The following SHPRH variants were observed in gnomAD, a reference collection of about 807,000 sequenced individuals.
SHPRH encodes the protein SNF2 histone linker PHD RING helicase.
A neutral mutation model predicts 202.5 loss-of-function variants in SHPRH; 106 were observed. The observed-to-expected ratio is 0.52, with a 90% CI of 0.45 to 0.62. The LOEUF (loss-of-function observed/expected upper bound fraction) is 0.62. Ranked by LOEUF, SHPRH falls within the 20% of genes least tolerant of loss-of-function variation. The probability of loss-of-function intolerance (pLI) is 0.00; values close to 1 mark genes in which losing one functional copy is unlikely to be tolerated. For missense variants in SHPRH, 1,710 were observed against 2,020.0 expected (o/e 0.85, Z 2.94); for synonymous variants, 729 against 686.0 (o/e 1.06, Z -0.98).
At chr6:145,920,164 G>GAT (rs1342913025) in intron 21 of SHPRH, among the ~76,000 whole-genome samples, 1 of 152,100 alleles carries the variant, frequency 6.6e-6, no homozygotes, top group African/African-American at 2.4e-5. Context: ...AGATCTGGTA[G>GAT]ATATGTACAG....
At chr6:145,870,710 G>A (rs1780021666) in intron 2 of SHPRH, among the ~76,000 whole-genome samples, 1 of 152,162 alleles carries the variant, frequency 6.6e-6, no homozygotes, top group Non-Finnish European at 1.5e-5. Context: ...GTAAGAGGGA[G>A]TATCCTTGCT....
chr6:145,926,322 T>G, intron 15 of SHPRH, 26 bp from the exon 16 acceptor site: 1 of 1,594,168 alleles, frequency 6.3e-7, no homozygotes. Context: ...AGGCAGTAAT[T>G]ATGACAGTCA....
At chr6:145,889,383 GTTTT>G (rs903376539) in intron 28 of SHPRH, among the ~76,000 whole-genome samples, 8 of 151,996 alleles carry the variant, frequency 5.3e-5, no homozygotes, top group Non-Finnish European at 1.2e-4. Flanking sequence ...GTATCAGAGT[GTTTT>G]TTTCTTTCTA....
At chr6:145,903,461 ATATCTCTAT>A (rs1782683108) in intron 25 of SHPRH, 2 of 152,026 alleles carry the variant, frequency 1.3e-5, no homozygotes, top group East Asian at 3.9e-4. Context: ...GCTGTATAAG[ATATCTCTAT>A]TATCAAGAGA....
At chr6:145,924,645 T>C in intron 17 of SHPRH, 94 bp downstream of exon 17, 2 of 975,264 alleles carry the variant, frequency 2.1e-6, no homozygotes, top group South Asian at 2.8e-5. Context: ...TTTCAAAATG[T>C]ATAAGAAATT....
chr6:145,910,719 TTCC>T, intron 24 of SHPRH, 83 bp from the exon 25 acceptor site: 1 of 1,309,006 alleles, frequency 7.6e-7, no homozygotes, highest in Non-Finnish European at 1.0e-6. Flanking sequence ...TTCGCAATTT[TTCC>T]TCCTAAAGAT....
chr6:145,888,889 G>A (rs1781344263), intron 28 of SHPRH, among the ~76,000 whole-genome samples: 1 of 152,148 alleles, frequency 6.6e-6, no homozygotes, highest in Non-Finnish European at 1.5e-5. Flanking sequence ...AAAGATGACT[G>A]GCATGTGAGA....
At chr6:145,896,423 A>G (rs1329612251) in intron 25 of SHPRH, among the ~76,000 whole-genome samples, 1 of 152,068 alleles carries the variant, frequency 6.6e-6, no homozygotes, top group East Asian at 1.9e-4. Context: ...GAATCCTTCC[A>G]CTGATTAATA....
intron 2 of SHPRH, among the ~76,000 whole-genome samples, chr6:145,868,863 A>G (rs1004503492): frequency 6.6e-6 from 1 of 152,198 alleles, no homozygotes; most frequent in East Asian, 1.9e-4. Flanking sequence ...TATTTTTAGG[A>G]AAAAGTTAAA....
chr6:145,910,763 C>T, intron 24 of SHPRH, 127 bp from the exon 25 acceptor site: 1 of 871,740 alleles, frequency 1.1e-6, no homozygotes, highest in Admixed American at 3.1e-5. Flanking sequence ...TGTCATAAAG[C>T]CAAGTTGTGC....
At chr6:145,937,326 T>C (rs1582765323) in intron 11 of SHPRH, among the ~76,000 whole-genome samples, 1 of 152,174 alleles carries the variant, frequency 6.6e-6, no homozygotes, top group Non-Finnish European at 1.5e-5. Flanking sequence ...TCACCATTCA[T>C]GGATTTATGC....
At chr6:145,866,582 A>C (rs1449657169) in intron 2 of SHPRH, among the ~76,000 whole-genome samples, 3 of 152,210 alleles carry the variant, frequency 2.0e-5, no homozygotes, top group African/African-American at 7.2e-5. Context: ...CATTATTAGC[A>C]GCATGAGTGG....
At chr6:145,921,065 AAAG>A (rs1784395030) in intron 21 of SHPRH, 99 bp downstream of exon 21, 8 of 1,031,456 alleles carry the variant, frequency 7.8e-6, no homozygotes, top group South Asian at 3.4e-5. Context: ...CTCAATCTCA[AAAG>A]AAGATTTTAA....
chr6:145,870,622 T>C (rs1780017104), intron 2 of SHPRH, among the ~76,000 whole-genome samples: 1 of 152,186 alleles, frequency 6.6e-6, no homozygotes. Context: ...ATTTCTTTTT[T>C]CCCAGTCTGT....
chr6:145,957,464 T>A (rs995499187), intron 1 of SHPRH, among the ~76,000 whole-genome samples: 6 of 152,148 alleles, frequency 3.9e-5, no homozygotes, highest in Non-Finnish European at 8.8e-5. Flanking sequence ...AAGTATCTGA[T>A]GAAGGATATG....
chr6:145,963,777 G>A lies in SHPRH; in HGVS notation c.-79C>T, dbSNP rs1023639612. On this transcript the variant is annotated 5_prime_UTR_variant, in exon 1 of 30. Transcript: ENST00000275233. ...CACAAGCGGCTCCCGGAGTCTGAGC[G>A]GGGCTGTCAGCGCCGGATCGCTCCC... 32 of 152,308 alleles carry A rather than the reference G, an allele frequency of 2.1e-4. No individual in the cohort carries two copies. Among genetic ancestry groups the A allele is most frequent in the Admixed American group, 1.9e-3 (29 of 15,300 alleles). The allele number at this position is 152,308 out of a possible 1,614,324, so 9.4% of individuals were successfully genotyped here.
At chr6:145,955,777 C>CA (rs533217610) in intron 1 of SHPRH, among the ~76,000 whole-genome samples, 5 of 148,714 alleles carry the variant, frequency 3.4e-5, no homozygotes, top group Admixed American at 6.7e-5. Context: ...ATCAGGCACG[C>CA]AAAAAAAATG....
In SHPRH at chr6:145,963,771, C is replaced by T. The variant is rs2128817701; in HGVS notation, c.-73G>A. On this transcript the variant is annotated 5_prime_UTR_variant, in exon 1 of 30. Transcript: ENST00000275233. Reference sequence around the variant, plus strand: ...AAGACCCACAAGCGGCTCCCGGAGTCTGAGCGGGGCTGTCAGCGCCGGATC... The same window carrying T: ...AAGACCCACAAGCGGCTCCCGGAGTTTGAGCGGGGCTGTCAGCGCCGGATC... 1 of 152,338 alleles carries T rather than the reference C, an allele frequency of 6.6e-6. No individual in the cohort carries two copies. The highest frequency in any genetic ancestry group is 2.1e-4 in the South Asian group (1 of 4,822). 9.4% of individuals were successfully genotyped at this position (152,338 alleles called of 1,614,324 possible). A position where few individuals can be genotyped will look rare whatever the true frequency, so the allele number is the denominator to read the frequency against.
chr6:145,861,410 T>C (rs1474796092), downstream of SHPRH, among the ~76,000 whole-genome samples: 2 of 151,582 alleles, frequency 1.3e-5, no homozygotes, highest in African/African-American at 4.9e-5. Context: ...ACCTCATACA[T>C]GCTAGACTGG....
Sources: allele counts gnomAD v4.1 joint callset (sites outside exome capture counted in the v4.1 genomes callset), GRCh38; gene constraint gnomAD v4.1.1; transcripts MANE v1.5; gene names NCBI Gene and HGNC (gene_info 2026-07-23, HGNC 2026-07-21).